Variants in CCDC7 observed in about 807,000 individuals in gnomAD.
The protein encoded by CCDC7 is coiled-coil domain-containing protein 7.
Under a neutral mutation model 196.9 loss-of-function variants are expected in CCDC7, and 183 were observed. The ratio of observed to expected loss-of-function variants is 0.93; its 90% confidence interval spans 0.82 to 1.05. The LOEUF (loss-of-function observed/expected upper bound fraction) is 1.05, where lower values mean the gene tolerates loss of function less well. CCDC7 is among the 50% of genes least tolerant of loss of function. CCDC7 has a pLI of 0.00. For synonymous variants in CCDC7, 525 were observed against 484.6 expected, an observed-to-expected ratio of 1.08 and a Z score of -1.10; for missense variants, 1,540 against 1,482.2, an observed-to-expected ratio of 1.04 and a Z score of -0.64.
intron 9 of CCDC7, among the ~76,000 whole-genome samples, chr10:32,496,632 G>A (rs919729659): frequency 6.6e-6 from 1 of 152,138 alleles, no homozygotes; most frequent in African/African-American, 2.4e-5. Context: ...GGCCTTTTCT[G>A]CATCTATTTA....
intron 16 of CCDC7, among the ~76,000 whole-genome samples, chr10:32,580,160 T>G (rs1276372560): frequency 6.6e-6 from 1 of 151,676 alleles, no homozygotes; most frequent in African/African-American, 2.4e-5. Flanking sequence ...GTTTTTCTTT[T>G]ATCCTATATA....
chr10:32,844,590 T>C (rs1201552721), intron 33 of CCDC7, among the ~76,000 whole-genome samples: 1 of 151,834 alleles, frequency 6.6e-6, no homozygotes, highest in East Asian at 1.9e-4. Context: ...TTGGTGTAAA[T>C]TTAAGGTTAT....
At chr10:32,451,956 C>T (rs1298619419) in intron 1 of CCDC7, 35 bp downstream of exon 2, 18 of 1,576,680 alleles carry the variant, frequency 1.1e-5, no homozygotes, top group Non-Finnish European at 1.5e-5. Context: ...TTGCAGGGCC[C>T]CCATGATCAC....
chr10:32,826,274 CA>C (rs1384955827), intron 32 of CCDC7, among the ~76,000 whole-genome samples: 8 of 152,158 alleles, frequency 5.3e-5, no homozygotes, highest in African/African-American at 1.2e-4. Flanking sequence ...TTTATATGAG[CA>C]GAAATTTGAA....
chr10:32,651,957 C>T lies in CCDC7; in HGVS notation c.2015-12097C>T, dbSNP rs1051729615. Among the ~76,000 whole-genome samples the T allele has an allele frequency of 7.2e-5, 11 of 152,314 alleles. 1 individual carries two copies. In the East Asian group the frequency reaches 2.1e-3, roughly 29 times the overall value. On this transcript the variant is annotated intron_variant, in intron 20 of 41. Coordinates refer to ENST00000639629, the Ensembl canonical transcript of CCDC7. ...CAAGATGGCAATGCTTCTGCTCTGTCAGAAAAATTTCCAGTTTCTTTGTTG... is the reference window on the plus strand; with the variant it reads ...CAAGATGGCAATGCTTCTGCTCTGTTAGAAAAATTTCCAGTTTCTTTGTTG...
At chr10:32,693,295 C>T (rs942861493) in intron 23 of CCDC7, among the ~76,000 whole-genome samples, 1 of 152,026 alleles carries the variant, frequency 6.6e-6, no homozygotes, top group African/African-American at 2.4e-5. Context: ...ATATTTTCTT[C>T]CCCAGTCCTC....
intron 23 of CCDC7, among the ~76,000 whole-genome samples, chr10:32,691,372 G>A (rs1274617726): frequency 6.6e-6 from 1 of 151,952 alleles, no homozygotes; most frequent in African/African-American, 2.4e-5. Context: ...TGATTAACTA[G>A]ACTCAGATAT....
At chr10:32,643,464 T>G (rs2067201704) in intron 20 of CCDC7, among the ~76,000 whole-genome samples, 1 of 152,054 alleles carries the variant, frequency 6.6e-6, no homozygotes, top group South Asian at 2.1e-4. Flanking sequence ...TGTGACTGTC[T>G]TTTTTTATTC....
intron 20 of CCDC7, among the ~76,000 whole-genome samples, chr10:32,660,105 T>C (rs1439917346): frequency 6.6e-6 from 1 of 152,006 alleles, no homozygotes; most frequent in African/African-American, 2.4e-5. Flanking sequence ...TACTTTTTCC[T>C]CTGTTTTTCT....
chr10:32,643,180 C>A (rs1311858845), intron 20 of CCDC7, among the ~76,000 whole-genome samples: 9 of 152,052 alleles, frequency 5.9e-5, no homozygotes. Context: ...TTTTTAAATG[C>A]TGCTTATGTT....
intron 21 of CCDC7, among the ~76,000 whole-genome samples, chr10:32,676,559 G>C (rs1023684700): frequency 3.3e-5 from 5 of 152,130 alleles, no homozygotes; most frequent in African/African-American, 7.2e-5. Context: ...TGTGGGCGAA[G>C]GACATGAGCA....
chr10:32,810,822 C>T (rs1464845077), intron 30 of CCDC7, among the ~76,000 whole-genome samples: 1 of 152,048 alleles, frequency 6.6e-6, no homozygotes, highest in African/African-American at 2.4e-5. Flanking sequence ...AGTATTTTTT[C>T]AGACCATGAC....
exon 41 of CCDC7, chr10:32,854,437 T>G: frequency 6.2e-7 from 1 of 1,608,764 alleles, no homozygotes; most frequent in Non-Finnish European, 8.5e-7. Context: ...AAAAAACTAT[T>G]GAATTTACTC....
intron 28 of CCDC7, among the ~76,000 whole-genome samples, chr10:32,754,925 T>C (rs1200248497): frequency 6.6e-6 from 1 of 151,474 alleles, no homozygotes; most frequent in Admixed American, 6.6e-5. Flanking sequence ...ACCCTAATAC[T>C]GCGCTTTTCC....
chr10:32,595,848 T>C (rs1258569893), intron 18 of CCDC7, among the ~76,000 whole-genome samples: 3 of 152,128 alleles, frequency 2.0e-5, no homozygotes, highest in Admixed American at 1.3e-4. Context: ...TGTAGTTGAG[T>C]GGTTTTGAGT....
At chr10:32,503,011 C>G (rs1199874664) in intron 9 of CCDC7, among the ~76,000 whole-genome samples, 1 of 152,096 alleles carries the variant, frequency 6.6e-6, no homozygotes, top group Non-Finnish European at 1.5e-5. Context: ...TTGTATCCTG[C>G]AACTTTGTTG....
At chr10:32,600,281 A>C (rs1270466848) in intron 18 of CCDC7, among the ~76,000 whole-genome samples, 1 of 142,850 alleles carries the variant, frequency 7.0e-6, no homozygotes, top group Non-Finnish European at 1.5e-5. Context: ...CTTTTACCTC[A>C]TTTGTTGCGT....
At chr10:32,533,528 G>C (rs2050020060) in intron 11 of CCDC7, among the ~76,000 whole-genome samples, 1 of 151,394 alleles carries the variant, frequency 6.6e-6, no homozygotes, top group Non-Finnish European at 1.5e-5. Flanking sequence ...TTTGCACGTT[G>C]GTGTTTTATT....
intron 29 of CCDC7, among the ~76,000 whole-genome samples, chr10:32,803,767 T>A (rs2085276737): frequency 6.6e-6 from 1 of 152,182 alleles, no homozygotes; most frequent in Admixed American, 6.5e-5. Flanking sequence ...AACTTGTTCT[T>A]GTCATTTTGT....
Sources: gnomAD v4.1 joint callset for allele counts (sites outside exome capture counted in the v4.1 genomes callset) on GRCh38, gnomAD v4.1.1 for gene constraint, MANE v1.5 for transcripts, NCBI Gene and HGNC (gene_info 2026-07-23, HGNC 2026-07-21) for gene names.